ANKRD26: variants seen among roughly 807,000 people sequenced by gnomAD.
ANKRD26 encodes ankyrin repeat domain-containing protein 26.
ANKRD26 carries 141 observed loss-of-function variants against 208.7 expected under a neutral mutation model. The ratio of observed to expected loss-of-function variants is 0.68; its 90% CI spans 0.59 to 0.78. The LOEUF (loss-of-function observed/expected upper bound fraction) is 0.78. Ranked by LOEUF, ANKRD26 falls within the 30% of genes least tolerant of loss-of-function variation. ANKRD26 has a pLI of 0.00. For synonymous variants in ANKRD26, 636 were observed against 660.4 expected (o/e 0.96, Z 0.57); for missense variants, 1,889 against 1,938.7 (o/e 0.97, Z 0.48).
chr10:26,948,835 C>G, the ANKRD26 span, among the ~76,000 whole-genome samples: 1 of 151,934 alleles, frequency 6.6e-6, no homozygotes, highest in Non-Finnish European at 1.5e-5. Flanking sequence ...TAAAAAGACC[C>G]CCCAAAAAAA....
At chr10:27,009,647 C>T (rs1272165862) in intron 32 of ANKRD26, among the ~76,000 whole-genome samples, 1 of 152,038 alleles carries the variant, frequency 6.6e-6, no homozygotes, top group Non-Finnish European at 1.5e-5. Context: ...CTGAACACTG[C>T]TAGAGGAAAT....
At chr10:27,041,349 C>A (rs547170102) in intron 20 of ANKRD26, among the ~76,000 whole-genome samples, 2 of 152,124 alleles carry the variant, frequency 1.3e-5, no homozygotes, top group African/African-American at 4.8e-5. Context: ...AAAGAAAAAA[C>A]CCCATTAAAA....
At chr10:27,052,435 C>T (rs1255536565) in intron 16 of ANKRD26, among the ~76,000 whole-genome samples, 2 of 152,066 alleles carry the variant, frequency 1.3e-5, no homozygotes, top group East Asian at 3.9e-4. Context: ...CCTTACCATA[C>T]CTCAAATACT....
chr10:27,072,475 C>A (rs2055538607), intron 9 of ANKRD26, among the ~76,000 whole-genome samples: 1 of 152,190 alleles, frequency 6.6e-6, no homozygotes, highest in Non-Finnish European at 1.5e-5. Context: ...ACCCAGCCCC[C>A]ACCCGGCTTT....
intron 6 of ANKRD26, 59 bp downstream of exon 6, chr10:27,082,744 A>T: frequency 6.5e-7 from 1 of 1,530,656 alleles, no homozygotes; most frequent in African/African-American, 1.4e-5. Context: ...TAGGGCACTC[A>T]ACAGTTTCTT....
rs11015456 is a variant in ANKRD26 at position 27,024,738 on chromosome 10, C to T, written c.3973-179G>A. Among the ~76,000 whole-genome samples the T allele has an allele frequency of 0.2, 30,431 of 152,020 alleles. 3,649 individuals are homozygous for T. Among genetic ancestry groups the T allele is most frequent in the East Asian group, 0.56 (2,879 of 5,160 alleles). On this transcript the variant is annotated intron_variant, in intron 27 of 33. Transcript: ENST00000376087. Reference sequence around the variant, plus strand: ...TGACTTTTCTTAAAACAGCTCATATCTCTTTTCTGGAATTTAAATTACCAA... The same window carrying T: ...TGACTTTTCTTAAAACAGCTCATATTTCTTTTCTGGAATTTAAATTACCAA...
At chr10:27,063,946 A>G (rs1231569249) in intron 12 of ANKRD26, 42 bp downstream of exon 12, 1 of 1,468,892 alleles carries the variant, frequency 6.8e-7, no homozygotes, top group Non-Finnish European at 9.5e-7. Context: ...TTAAATAAAC[A>G]CTCTGTCCAA....
downstream of ANKRD26, among the ~76,000 whole-genome samples, chr10:27,003,712 G>A (rs540663457): frequency 7.9e-5 from 12 of 152,270 alleles, no homozygotes; most frequent in Admixed American, 3.3e-4. Context: ...AGCCCCGCCC[G>A]AATGGCACAA....
downstream of ANKRD26, among the ~76,000 whole-genome samples, chr10:27,000,358 T>C (rs1350757619): frequency 6.6e-6 from 1 of 152,238 alleles, no homozygotes; most frequent in African/African-American, 2.4e-5. Flanking sequence ...GTTTCCCCTT[T>C]GCAATTTCAA....
intron 1 of ANKRD26, among the ~76,000 whole-genome samples, chr10:27,099,012 C>T (rs939238318): frequency 1.3e-5 from 2 of 151,690 alleles, no homozygotes; most frequent in Non-Finnish European, 2.9e-5. Context: ...TTTTTTGAGA[C>T]AGAGTTTTGC....
intron 25 of ANKRD26, among the ~76,000 whole-genome samples, chr10:27,032,772 G>A (rs1223046275): frequency 1.3e-5 from 2 of 151,902 alleles, no homozygotes; most frequent in Non-Finnish European, 2.9e-5. Context: ...CTGAGACAGT[G>A]CCACTGTACT....
the ANKRD26 span, among the ~76,000 whole-genome samples, chr10:26,965,029 T>C: frequency 1.3e-5 from 2 of 152,200 alleles, no homozygotes; most frequent in African/African-American, 2.4e-5. Context: ...CCTTGTCTTT[T>C]GCCAATTGAA....
chr10:27,035,947 T>G (rs2054029269), intron 23 of ANKRD26, among the ~76,000 whole-genome samples, 195 bp from the exon 24 acceptor site: 1 of 151,788 alleles, frequency 6.6e-6, no homozygotes, highest in Non-Finnish European at 1.5e-5. Context: ...AAAATTTATT[T>G]GAAGACAATT....
intron 5 of ANKRD26, among the ~76,000 whole-genome samples, chr10:26,994,600 C>T (rs1165918980): frequency 1.3e-5 from 2 of 152,192 alleles, no homozygotes; most frequent in African/African-American, 2.4e-5. Flanking sequence ...CAGATGGGGG[C>T]TGGTGGCTCA....
In ANKRD26 at chr10:27,034,926, A is replaced by G. The variant is rs748078673; in HGVS notation, c.3524T>C (p.Val1175Ala). 3.1e-6 allele frequency: 5 copies of G among 1,613,856 alleles called. No individual in the cohort carries two copies. In the East Asian group the frequency reaches 6.7e-5, roughly 22 times the overall value. Reference protein sequence around the residue: ...INIQDQFHAIVQKLQAESEKQ... With the variant: ...INIQDQFHAIAQKLQAESEKQ... The stretch of plus-strand genomic sequence containing the variant: ...TTCACTCTCAGCTTGAAGTTTTTGC[A>G]CAATAGCATGAAACTGGTCTTGGAT... The change falls in exon 24 of 34, where the codon GTG (valine) becomes GCG (alanine). Residue 1175 changes from valine to alanine, a missense_variant. Transcript: ENST00000376087.
At chr10:26,954,058 G>C in the ANKRD26 span, among the ~76,000 whole-genome samples, 2 of 152,122 alleles carry the variant, frequency 1.3e-5, no homozygotes, top group Admixed American at 1.3e-4. Context: ...TATATTGTCT[G>C]GTTTTCTGGC....
chr10:27,085,215 C>CT (rs1179518166), intron 5 of ANKRD26, among the ~76,000 whole-genome samples: 1 of 152,036 alleles, frequency 6.6e-6, no homozygotes, highest in African/African-American at 2.4e-5. Context: ...ATTCTCCTGC[C>CT]TCAGCCTCCT....
At chr10:27,076,490 C>A (rs2055703354) in intron 9 of ANKRD26, among the ~76,000 whole-genome samples, 2 of 152,042 alleles carry the variant, frequency 1.3e-5, no homozygotes, top group Admixed American at 1.3e-4. Context: ...GTCTCGAACT[C>A]CTGACCTCAG....
intron 18 of ANKRD26, 81 bp from the exon 19 acceptor site, chr10:27,044,271 A>G: frequency 8.3e-7 from 1 of 1,211,860 alleles, no homozygotes; most frequent in Non-Finnish European, 1.1e-6. Flanking sequence ...TTTTTTAAAT[A>G]AAAGCTCTGC....
Sources: allele counts gnomAD v4.1 joint callset (sites outside exome capture counted in the v4.1 genomes callset), GRCh38; gene constraint gnomAD v4.1.1; transcripts MANE v1.5; gene names NCBI Gene and HGNC (gene_info 2026-07-23, HGNC 2026-07-21).